The following AGMO variants were observed in gnomAD, a reference collection of about 807,000 sequenced individuals.
AGMO encodes glyceryl-ether monooxygenase.
In AGMO, 75 loss-of-function variants were observed where a neutral mutation model predicts 60.2. The ratio of observed to expected loss-of-function variants is 1.25; its 90% CI spans 1.03 to 1.51. The LOEUF is 1.51. Ranked by LOEUF, AGMO falls within the 40% of genes most tolerant of loss-of-function variation. The probability of loss-of-function intolerance (pLI) is 0.00; values close to 1 mark genes in which losing one functional copy is unlikely to be tolerated. For synonymous variants in AGMO, 261 were observed against 177.1 expected (o/e 1.47, Z -3.76); for missense variants, 763 against 525.5 (o/e 1.45, Z -4.42).
chr7:15,450,172 G>C (rs1477731345), intron 3 of AGMO, among the ~76,000 whole-genome samples: 1 of 152,128 alleles, frequency 6.6e-6, no homozygotes, highest in African/African-American at 2.4e-5. Context: ...TGTAATCCCA[G>C]TGCTTTGGGA....
At chr7:15,323,854 CTG>C (rs1163186125) in intron 12 of AGMO, among the ~76,000 whole-genome samples, 1 of 152,136 alleles carries the variant, frequency 6.6e-6, no homozygotes, top group Non-Finnish European at 1.5e-5. Flanking sequence ...GTTGCCAAAT[CTG>C]TGTTTCTTTG....
chr7:15,430,353 T>A (rs905705060), intron 4 of AGMO, among the ~76,000 whole-genome samples: 1 of 151,912 alleles, frequency 6.6e-6, no homozygotes, highest in East Asian at 1.9e-4. Context: ...TTCAGTATCA[T>A]GTATTTTCAT....
intron 10 of AGMO, among the ~76,000 whole-genome samples, chr7:15,381,637 G>A (rs1344996344): frequency 5.3e-5 from 8 of 151,960 alleles, no homozygotes; most frequent in Non-Finnish European, 8.8e-5. Flanking sequence ...GACAAAGACA[G>A]GAATACTATT....
chr7:15,278,228 T>C (rs1783854922), intron 12 of AGMO, among the ~76,000 whole-genome samples: 1 of 152,170 alleles, frequency 6.6e-6, no homozygotes. Context: ...ACACTGCTGC[T>C]TCATGTACAG....
At chr7:15,225,062 C>CT (rs984379289) in intron 12 of AGMO, among the ~76,000 whole-genome samples, 8 of 151,442 alleles carry the variant, frequency 5.3e-5, no homozygotes, top group Admixed American at 1.3e-4. Flanking sequence ...TTCTTTCAGT[C>CT]TTTTTTTTCT....
chr7:15,465,710 T>C (rs534398921), intron 3 of AGMO, among the ~76,000 whole-genome samples: 6 of 151,598 alleles, frequency 4.0e-5, no homozygotes, highest in African/African-American at 1.2e-4. Context: ...CCTCCCAAAA[T>C]GCTGAGATTA....
At chr7:15,493,360 C>G (rs1379572448) in intron 3 of AGMO, among the ~76,000 whole-genome samples, 1 of 93,358 alleles carries the variant, frequency 1.1e-5, no homozygotes, top group Non-Finnish European at 2.1e-5. Context: ...CACACACACA[C>G]ACTTCTTTTT....
At chr7:15,181,044 T>C in the AGMO span, among the ~76,000 whole-genome samples, 1 of 152,134 alleles carries the variant, frequency 6.6e-6, no homozygotes, top group Non-Finnish European at 1.5e-5. Context: ...CCCTCAATAA[T>C]AGCATTAATC....
intron 12 of AGMO, among the ~76,000 whole-genome samples, chr7:15,319,460 T>C (rs1781039579): frequency 6.6e-6 from 1 of 152,102 alleles, no homozygotes; most frequent in Admixed American, 6.6e-5. Context: ...AGGATAAGGA[T>C]ATGAAATAAA....
At chr7:15,125,394 G>C in the AGMO span, among the ~76,000 whole-genome samples, 1 of 152,086 alleles carries the variant, frequency 6.6e-6, no homozygotes, top group Non-Finnish European at 1.5e-5. Context: ...CTTCTACTCA[G>C]ACTACTACCA....
intron 10 of AGMO, among the ~76,000 whole-genome samples, chr7:15,383,397 T>G (rs535961961): frequency 6.6e-6 from 1 of 152,254 alleles, no homozygotes; most frequent in Admixed American, 6.5e-5. Context: ...CACTCTGCGT[T>G]GAATTTCTGC....
chr7:15,370,563 A>AT (rs936889597), intron 10 of AGMO, among the ~76,000 whole-genome samples: 7 of 151,962 alleles, frequency 4.6e-5, no homozygotes, highest in Non-Finnish European at 1.0e-4. Flanking sequence ...TATTGTTTTG[A>AT]TTTTTTAACA....
At chr7:15,201,483 A>ATTTT in intron 12 of AGMO, 124 bp from the exon 13 acceptor site, 1 of 624,322 alleles carries the variant, frequency 1.6e-6, no homozygotes, top group Non-Finnish European at 2.7e-6. Context: ...CAAGTTATTA[A>ATTTT]ATTAAATCTA....
At chr7:15,450,867 T>C (rs1781839377) in intron 3 of AGMO, among the ~76,000 whole-genome samples, 1 of 152,024 alleles carries the variant, frequency 6.6e-6, no homozygotes, top group Admixed American at 6.6e-5. Flanking sequence ...AATCCAAACA[T>C]GAATATTAAT....
At chr7:15,342,681 C>T (rs532217013) in intron 12 of AGMO, among the ~76,000 whole-genome samples, 4 of 141,254 alleles carry the variant, frequency 2.8e-5, no homozygotes, top group African/African-American at 1.0e-4. Flanking sequence ...AAGCTTGTTT[C>T]ATTAAATACA....
chr7:15,209,749 G>A (rs1288327957), intron 12 of AGMO, among the ~76,000 whole-genome samples: 1 of 152,132 alleles, frequency 6.6e-6, no homozygotes. Flanking sequence ...AACAATGACT[G>A]GTTCCTAAGA....
intron 5 of AGMO, among the ~76,000 whole-genome samples, chr7:15,401,560 A>G (rs982256437): frequency 9.2e-5 from 14 of 152,272 alleles, no homozygotes; most frequent in Middle Eastern, 3.4e-3. Context: ...TAATATTTCT[A>G]TTATTCAATT....
chr7:15,398,172 G>A (rs533007864), intron 5 of AGMO, among the ~76,000 whole-genome samples: 4 of 152,116 alleles, frequency 2.6e-5, no homozygotes, highest in Non-Finnish European at 5.9e-5. Flanking sequence ...CTGCTCCCCA[G>A]ATGAATTTCT....
In AGMO at chr7:15,400,736, CAAAA is replaced by C. The variant is rs773788782; in HGVS notation, c.610-6561_610-6558del. 1.1e-4 allele frequency among the ~76,000 whole-genome samples: 17 copies of C among 152,136 alleles called. No homozygotes were observed. The East Asian group carries it at 3.3e-3, about 29-fold the overall frequency. ...GAGCCAAAACAAACAAACAAATAAA[CAAAA>C]GAAACAAAATCACAGAGCAAGGAAC... On this transcript the variant is annotated intron_variant, in intron 5 of 12. Transcript: ENST00000342526.
Sources: gnomAD v4.1 joint callset for allele counts (sites outside exome capture counted in the v4.1 genomes callset) on GRCh38, gnomAD v4.1.1 for gene constraint, MANE v1.5 for transcripts, NCBI Gene and HGNC (gene_info 2026-07-23, HGNC 2026-07-21) for gene names.